Variants in HNF4A observed in about 807,000 individuals in gnomAD.
The protein encoded by HNF4A is hepatocyte nuclear factor 4-alpha.
HNF4A carries 15 observed loss-of-function variants against 52.4 expected under a neutral mutation model. That is an observed-to-expected ratio of 0.29 (90% CI 0.19 to 0.44). The LOEUF is 0.44. Among genes scored for constraint, HNF4A ranks in the 20% least tolerant of loss-of-function variants. The pLI is 1.00. For missense variants in HNF4A, 479 were observed against 647.2 expected, an observed-to-expected ratio of 0.74 and a Z score of 2.82; for synonymous variants, 280 against 264.4, an observed-to-expected ratio of 1.06 and a Z score of -0.57.
chr20:44,355,866 G>T lies in HNF4A; in HGVS notation c.49+13G>T, dbSNP rs759324522. On this transcript the variant is annotated intron_variant, in intron 1 of 9. Transcript: ENST00000316673. ...GAGAGTTCTTACGGTAAGTGGGGCT[G>T]GGGGAAGACTGGACAGGGCGGGACT... 6.2e-7 allele frequency: 1 copy of T among 1,608,946 alleles called. No individual in the cohort carries two copies. The highest frequency in any genetic ancestry group is 8.5e-7 in the Non-Finnish European group (1 of 1,175,942).
intron 1 of HNF4A, among the ~76,000 whole-genome samples, chr20:44,404,648 GTATGTGGACTGTGTGCA>G (rs1207573524): frequency 6.6e-6 from 1 of 150,516 alleles, no homozygotes; most frequent in Non-Finnish European, 1.5e-5. Context: ...TGTGTGCAAT[GTATGTGGACTGTGTGCA>G]TGTGTGGACT....
chr20:44,379,763 T>G (rs1345927140), intron 1 of HNF4A, among the ~76,000 whole-genome samples: 1 of 138,386 alleles, frequency 7.2e-6, no homozygotes, highest in Non-Finnish European at 1.5e-5. Context: ...AGACAGAGTC[T>G]CACTGTGTGG....
intron 1 of HNF4A, among the ~76,000 whole-genome samples, chr20:44,375,967 C>A (rs1293103878): frequency 6.6e-6 from 1 of 152,136 alleles, no homozygotes; most frequent in East Asian, 1.9e-4. Flanking sequence ...GATTCTAGGG[C>A]CGGGCATGGT....
chr20:44,385,441 TC>T (rs902697356), intron 1 of HNF4A, among the ~76,000 whole-genome samples: 12 of 151,976 alleles, frequency 7.9e-5, no homozygotes, highest in Admixed American at 5.9e-4. Flanking sequence ...GCAAGACACC[TC>T]CCCCCGTCTC....
intron 3 of HNF4A, among the ~76,000 whole-genome samples, chr20:44,413,286 C>G (rs2063612525): frequency 6.6e-6 from 1 of 152,190 alleles, no homozygotes; most frequent in African/African-American, 2.4e-5. Flanking sequence ...CCCAGGCCAT[C>G]TCCTTGTCAC....
At chr20:44,361,415 ATTGTTCAT>A (rs2062915456) in intron 1 of HNF4A, among the ~76,000 whole-genome samples, 1 of 152,184 alleles carries the variant, frequency 6.6e-6, no homozygotes, top group Non-Finnish European at 1.5e-5. Flanking sequence ...TCATTAATTC[ATTGTTCAT>A]TTGTTCATTT....
chr20:44,398,337 C>G (rs1031434429), upstream of HNF4A, among the ~76,000 whole-genome samples: 10 of 152,272 alleles, frequency 6.6e-5, no homozygotes, highest in Non-Finnish European at 1.2e-4. Flanking sequence ...AAGGACACGT[C>G]TCCAGTTACT....
intron 1 of HNF4A, among the ~76,000 whole-genome samples, chr20:44,365,506 G>C (rs140545376): frequency 4.6e-5 from 7 of 152,202 alleles, no homozygotes; most frequent in African/African-American, 1.7e-4. Context: ...CAATAAAAAA[G>C]TGCATAGATA....
Position 44,424,004 on chromosome 20 carries a change from C to G in HNF4A, c.893-14C>G. The stretch of plus-strand genomic sequence containing the variant: ...ACCCTGCTGCCCTCCCTTGCCCACC[C>G]TCTTCCATTGTAGATGCCAAGGGGC... On this transcript the variant is annotated splice_polypyrimidine_tract_variant and intron_variant, in intron 7 of 9. Transcript: ENST00000316099. The G allele has an allele frequency of 1.2e-6, 2 of 1,612,324 alleles. No individual in the cohort carries two copies. Among genetic ancestry groups the G allele is most frequent in the Non-Finnish European group, 8.5e-7 (1 of 1,179,656 alleles).
chr20:44,410,462 C>T (rs2063565726), intron 3 of HNF4A, among the ~76,000 whole-genome samples: 1 of 151,844 alleles, frequency 6.6e-6, no homozygotes, highest in Non-Finnish European at 1.5e-5. Context: ...GAGGGTATTC[C>T]TAGCTGTGCC....
chr20:44,363,027 T>G (rs192630075), intron 1 of HNF4A, among the ~76,000 whole-genome samples: 1,806 of 152,048 alleles, frequency 0.012, 33 homozygotes, highest in African/African-American at 0.042. Context: ...CTAATTTTTT[T>G]TTATTTTTAG....
At chr20:44,374,835 T>A (rs1600648933) in intron 1 of HNF4A, among the ~76,000 whole-genome samples, 1 of 152,214 alleles carries the variant, frequency 6.6e-6, no homozygotes, top group East Asian at 1.9e-4. Context: ...GAAGAATTCA[T>A]TTTCCTTTGG....
Position 44,402,073 on chromosome 20 carries a change from T to C in HNF4A, c.115+586T>C, listed in dbSNP as rs113182233. ...GTGTGCGTTCGTGTGTGATAGTGAGTTTCCATGTAGGTTGTATGGGTGGGG... is the reference window on the plus strand; with the variant it reads ...GTGTGCGTTCGTGTGTGATAGTGAGCTTCCATGTAGGTTGTATGGGTGGGG... On this transcript the variant is annotated intron_variant, in intron 1 of 9. Coordinates refer to ENST00000316099, the MANE Select transcript of HNF4A (RefSeq NM_000457.6). Among the ~76,000 whole-genome samples, 651 of 152,134 alleles carry C rather than the reference T, an allele frequency of 4.3e-3. 7 individuals carry two copies. Among genetic ancestry groups the C allele is most frequent in the East Asian group, 0.034 (177 of 5,162 alleles).
At position 44,414,542 on chromosome 20, in the gene HNF4A, T is replaced by C. The variant is rs767940230; in HGVS notation, c.528T>C (p.Ile176=). The C allele has an allele frequency of 6.2e-7, 1 of 1,614,224 alleles. No individual in the cohort carries two copies. The highest frequency in any genetic ancestry group is 1.1e-5 in the South Asian group (1 of 91,084). Reference sequence around the variant, plus strand: ...CCGTCTCCGGGATCAACGGCGACATTCGGGCGAAGAAGATTGCCAGCATCG... The same window carrying C: ...CCGTCTCCGGGATCAACGGCGACATCCGGGCGAAGAAGATTGCCAGCATCG... The change falls in exon 5 of 10, where the codon ATT becomes ATC. Residue 176 remains isoleucine, a synonymous_variant. Transcript: ENST00000316099.
chr20:44,360,995 A>C (rs2146153386), intron 1 of HNF4A, among the ~76,000 whole-genome samples: 2 of 152,282 alleles, frequency 1.3e-5, no homozygotes, highest in South Asian at 4.1e-4. Flanking sequence ...TAGGCCCAAA[A>C]TCGAGTAGGA....
At chr20:44,385,941 C>T (rs1264668194) in intron 1 of HNF4A, among the ~76,000 whole-genome samples, 2 of 151,958 alleles carry the variant, frequency 1.3e-5, no homozygotes, top group Non-Finnish European at 2.9e-5. Flanking sequence ...CTCACTGGAA[C>T]CTCCACCTCC....
At chr20:44,395,186 G>C (rs1164907144) in intron 1 of HNF4A, among the ~76,000 whole-genome samples, 1 of 152,236 alleles carries the variant, frequency 6.6e-6, no homozygotes, top group African/African-American at 2.4e-5. Context: ...GCGTGGACTT[G>C]AGCAAGTCCC....
At chr20:44,406,481 T>C (rs112123703) in intron 2 of HNF4A, among the ~76,000 whole-genome samples, 51 of 152,312 alleles carry the variant, frequency 3.3e-4, no homozygotes, top group African/African-American at 1.2e-3. Flanking sequence ...CAATACTAAG[T>C]CTTTGTGTGT....
intron 8 of HNF4A, among the ~76,000 whole-genome samples, chr20:44,427,975 T>C (rs955106725): frequency 4.6e-5 from 7 of 152,282 alleles, no homozygotes; most frequent in Admixed American, 3.3e-4. Flanking sequence ...CGGGACCAAA[T>C]GGTTGAAGGA....
Sources: allele counts gnomAD v4.1 joint callset (sites outside exome capture counted in the v4.1 genomes callset), GRCh38; gene constraint gnomAD v4.1.1; transcripts MANE v1.5; gene names NCBI Gene and HGNC (gene_info 2026-07-23, HGNC 2026-07-21).